The following PPIP5K2 variants were observed in gnomAD, a reference collection of about 807,000 sequenced individuals.
PPIP5K2 encodes the protein inositol hexakisphosphate and diphosphoinositol-pentakisphosphate kinase 2.
PPIP5K2 carries 105 observed loss-of-function variants against 154.6 expected under a neutral mutation model. The observed-to-expected ratio is 0.68, with a 90% CI of 0.58 to 0.80. The LOEUF (loss-of-function observed/expected upper bound fraction) is 0.80. PPIP5K2 is among the 30% of genes least tolerant of loss of function. The probability of loss-of-function intolerance (pLI) is 0.00; values close to 1 mark genes in which losing one functional copy is unlikely to be tolerated. For synonymous variants in PPIP5K2, 480 were observed against 490.3 expected (o/e 0.98, Z 0.28); for missense variants, 992 against 1,504.6 (o/e 0.66, Z 5.64).
chr5:103,131,163 CTT>C (rs1187255095), intron 2 of PPIP5K2, among the ~76,000 whole-genome samples: 5 of 152,094 alleles, frequency 3.3e-5, no homozygotes, highest in African/African-American at 1.2e-4. Flanking sequence ...ATTACTGTGT[CTT>C]TACGTTGCTG....
intron 19 of PPIP5K2, among the ~76,000 whole-genome samples, chr5:103,172,745 CTT>C (rs1295674233): frequency 2.0e-5 from 3 of 151,720 alleles, no homozygotes; most frequent in Non-Finnish European, 4.4e-5. Context: ...TCTTTTAAAT[CTT>C]TGACATTTGG....
chr5:103,173,086 T>G, intron 19 of PPIP5K2, 69 bp from the exon 20 acceptor site: 2 of 1,300,834 alleles, frequency 1.5e-6, no homozygotes. Context: ...TAGACTAATT[T>G]AGGAGTGTAT....
intron 6 of PPIP5K2, 81 bp downstream of exon 6, chr5:103,146,762 A>G: frequency 3.3e-6 from 4 of 1,195,500 alleles, no homozygotes; most frequent in Non-Finnish European, 4.6e-6. Flanking sequence ...GCATTTAATT[A>G]CCGTTAAATA....
rs781834299 is a variant in PPIP5K2 at position 103,177,868 on chromosome 5, T to C, written c.2642T>C (p.Leu881Pro). 16 of 1,610,762 alleles carry C rather than the reference T, an allele frequency of 9.9e-6. No homozygotes were observed. The highest frequency in any genetic ancestry group is 1.3e-5 in the Non-Finnish European group (15 of 1,177,428). The change falls in exon 23 of 31, where the codon CTT (leucine) becomes CCT (proline). Residue 881 changes from leucine to proline, a missense_variant. This residue lies in a region of PPIP5K2 where 157 missense variants were observed against 281.2 expected (regional missense o/e 0.56). Transcript: ENST00000358359. ...ATGTTCTGTCATATTTCTTAGGATC[T>C]TTCCTCAGAAGAACGCTTTCATGTT... is the stretch of plus-strand genomic sequence containing the variant. ...IMLYEDPNKD[L>P]SSEERFHVEL... is the part of the protein sequence containing the mutation.
chr5:103,129,219 G>C lies in PPIP5K2; in HGVS notation c.-284-87G>C, dbSNP rs26525. ...ACAATATACATCAAGTTATTGGGCT[G>C]ATTTTACAAGTGTCATTAAAAATTA... On this transcript the variant is annotated intron_variant, in intron 1 of 30. Coordinates refer to ENST00000358359, the MANE Select transcript of PPIP5K2 (RefSeq NM_001276277.3). 37,511 of 153,482 alleles carry C rather than the reference G, an allele frequency of 0.24. 5,230 individuals carry two copies. The highest frequency in any genetic ancestry group is 0.45 in the East Asian group (2,353 of 5,262). The allele number at this position is 153,482 out of a possible 1,614,324, so 9.5% of individuals were successfully genotyped here.
chr5:103,208,703 T>A lies in PPIP5K2; in HGVS notation c.*7069T>A, dbSNP rs1165555232. 6.6e-6 allele frequency: 1 copy of A among 151,936 alleles called. No individual in the cohort carries two copies. The highest frequency in any genetic ancestry group is 2.4e-5 in the African/African-American group (1 of 41,184). 9.4% of individuals were successfully genotyped at this position (151,936 alleles called of 1,614,324 possible). ...CCATTGTTTTAGAGAAGGAACTAGT[T>A]GTTGTTGTTTTTTTTTCCCTGTCTC... is the stretch of plus-strand genomic sequence containing the variant. On this transcript the variant is annotated 3_prime_UTR_variant, in exon 31 of 31. Transcript: ENST00000358359.
intron 3 of PPIP5K2, chr5:103,136,101 A>G (rs1791456143): frequency 6.7e-6 from 1 of 150,234 alleles, no homozygotes; most frequent in African/African-American, 2.5e-5. Context: ...CCTCCTAAGT[A>G]TCTGGGATTA....
chr5:103,139,420 C>T (rs1430611107), intron 5 of PPIP5K2, among the ~76,000 whole-genome samples: 1 of 152,134 alleles, frequency 6.6e-6, no homozygotes, highest in African/African-American at 2.4e-5. Context: ...AAGGTGGTGC[C>T]TCTAGGAGTC....
At chr5:103,144,303 A>C (rs1428809529) in intron 5 of PPIP5K2, among the ~76,000 whole-genome samples, 1 of 152,188 alleles carries the variant, frequency 6.6e-6, no homozygotes, top group African/African-American at 2.4e-5. Flanking sequence ...AAAATGGAAA[A>C]ATACTCCATT....
intron 19 of PPIP5K2, among the ~76,000 whole-genome samples, chr5:103,171,547 ATTGT>A (rs1228756331): frequency 5.9e-5 from 9 of 151,572 alleles, no homozygotes; most frequent in Admixed American, 2.0e-4. Flanking sequence ...TATCTAAAAA[ATTGT>A]TTGGTCCTAG....
At chr5:103,149,512 AT>A (rs1794275032) in intron 8 of PPIP5K2, among the ~76,000 whole-genome samples, 199 bp downstream of exon 8, 1 of 152,162 alleles carries the variant, frequency 6.6e-6, no homozygotes, top group Admixed American at 6.5e-5. Context: ...AACCTGGTCA[AT>A]TTATTCAGAA....
intron 24 of PPIP5K2, among the ~76,000 whole-genome samples, 168 bp from the exon 25 acceptor site, chr5:103,183,066 A>AATT (rs1402794970): frequency 6.6e-6 from 1 of 151,842 alleles, no homozygotes; most frequent in Non-Finnish European, 1.5e-5. Context: ...TTGGCTCCCA[A>AATT]ATTGCTGTGT....
chr5:103,174,455 A>C (rs1338202646), intron 21 of PPIP5K2, among the ~76,000 whole-genome samples: 1 of 152,030 alleles, frequency 6.6e-6, no homozygotes, highest in East Asian at 1.9e-4. Context: ...TTAGAGTCTC[A>C]TGAGGTTGTA....
At chr5:103,156,961 G>T (rs1795509511) in intron 14 of PPIP5K2, among the ~76,000 whole-genome samples, 1 of 151,980 alleles carries the variant, frequency 6.6e-6, no homozygotes, top group Non-Finnish European at 1.5e-5. Context: ...ATCACATTTT[G>T]TGGTTAATAG....
intron 29 of PPIP5K2, among the ~76,000 whole-genome samples, chr5:103,194,499 G>C (rs1216790798): frequency 6.6e-6 from 1 of 152,128 alleles, no homozygotes; most frequent in Admixed American, 6.6e-5. Flanking sequence ...AGGCACGGTG[G>C]TTCATGCCTG....
chr5:103,205,640 T>C lies in PPIP5K2; in HGVS notation c.*4006T>C, dbSNP rs1803473585. 6.6e-6 allele frequency: 1 copy of C among 152,244 alleles called. No homozygotes were observed. 9.4% of individuals were successfully genotyped at this position (152,244 alleles called of 1,614,324 possible). On this transcript the variant is annotated 3_prime_UTR_variant, in exon 31 of 31. Coordinates refer to ENST00000358359, the MANE Select transcript of PPIP5K2 (RefSeq NM_001276277.3). Reference sequence around the variant, plus strand: ...CATGGATTGTGAGAAAAACATCTTTTCGCTTAGGGATCACTGTCAATTTCT... The same window carrying C: ...CATGGATTGTGAGAAAAACATCTTTCCGCTTAGGGATCACTGTCAATTTCT...
intron 23 of PPIP5K2, 137 bp from the exon 24 acceptor site, chr5:103,179,884 A>G: frequency 6.1e-6 from 4 of 652,584 alleles, no homozygotes; most frequent in Non-Finnish European, 7.0e-6. Context: ...AGAAGAGTTC[A>G]ATTAATGTTA....
At chr5:103,181,340 G>C (rs1461655484) in intron 24 of PPIP5K2, among the ~76,000 whole-genome samples, 13 of 151,858 alleles carry the variant, frequency 8.6e-5, no homozygotes, top group East Asian at 5.8e-4. Context: ...GGCCGAGGTG[G>C]GTGGATCACC....
At chr5:103,134,727 A>T (rs1791183235) in intron 3 of PPIP5K2, among the ~76,000 whole-genome samples, 1 of 152,140 alleles carries the variant, frequency 6.6e-6, no homozygotes. Flanking sequence ...GTAGGGAAAA[A>T]GTTTCTCTTT....
Sources: gnomAD v4.1 joint callset for allele counts (sites outside exome capture counted in the v4.1 genomes callset) on GRCh38, gnomAD v4.1.1 for gene constraint, gnomAD v4.1.1 regional missense constraint, MANE v1.5 for transcripts, NCBI Gene and HGNC (gene_info 2026-07-23, HGNC 2026-07-21) for gene names.